The following ACR variants were observed in gnomAD, a reference collection of about 807,000 sequenced individuals.
ACR encodes acrosin light and heavy chain prepropeptide.
ACR carries 17 observed loss-of-function variants against 26.0 expected under a neutral mutation model. That is an observed-to-expected ratio of 0.65 (90% CI 0.45 to 0.98). The LOEUF is 0.98. Among genes scored for constraint, ACR ranks in the 50% least tolerant of loss-of-function variants. ACR has a pLI of 0.00. For synonymous variants in ACR, 199 were observed against 207.7 expected (o/e 0.96, Z 0.36); for missense variants, 435 against 519.3 (o/e 0.84, Z 1.58).
chr22:50,744,989 C>A lies in ACR; in HGVS notation c.1048C>A (p.Pro350Thr). The A allele has an allele frequency of 1.2e-6, 1 of 860,002 alleles. No individual in the cohort carries two copies. Among genetic ancestry groups the A allele is most frequent in the Non-Finnish European group, 1.7e-6 (1 of 588,098 alleles). 53.3% of individuals were successfully genotyped at this position (860,002 alleles called of 1,614,324 possible). ...PAAQPRPPPSPPPPPPPPASP... is the reference protein window; with the variant it reads ...PAAQPRPPPSTPPPPPPPASP... ...AGCCCAGCCCCGACCCCCACCTTCA[C>A]CCCCGCCCCCACCCCCACCTCCAGC... The change falls in exon 5 of 5, where the codon CCC becomes ACC. Residue 350 changes from proline (P) to threonine (T), a missense_variant. Pro to Thr is a conservative substitution (Grantham distance 38, BLOSUM62 -1). Coordinates refer to ENST00000216139, the MANE Select transcript of ACR (RefSeq NM_001097.3).
chr22:50,740,624 T>C (rs1463259795), intron 3 of ACR: 1 of 702,582 alleles, frequency 1.4e-6, no homozygotes, highest in South Asian at 1.5e-5. Context: ...ATTTCAGGCT[T>C]CCTGGAGTGT....
chr22:50,744,345 G>C (rs1385773789), intron 4 of ACR, 139 bp downstream of exon 4: 1 of 720,952 alleles, frequency 1.4e-6, no homozygotes, highest in Non-Finnish European at 2.3e-6. Context: ...CTGCTTCCCC[G>C]GTCCCTTTTC....
Position 50,744,848 on chromosome 22 carries a change from C to G in ACR, c.907C>G (p.Pro303Ala), listed in dbSNP as rs368346881. The change falls in exon 5 of 5, where the codon CCA becomes GCA. Residue 303 changes from proline (P) to alanine (A), a missense_variant. By Grantham distance (27) the Pro-to-Ala change is conservative. Transcript: ENST00000216139. ...GCGTATGATTCAATCGGCCACCCCTCCACCTCCCACCACTCGACCGCCCCC... is the reference window on the plus strand; with the variant it reads ...GCGTATGATTCAATCGGCCACCCCTGCACCTCCCACCACTCGACCGCCCCC... ...ALRMIQSATP[P>A]PPTTRPPPIR... 21 of 1,599,818 alleles carry G rather than the reference C, an allele frequency of 1.3e-5. No homozygotes were observed. Among genetic ancestry groups the G allele is most frequent in the Middle Eastern group, 1.6e-4 (1 of 6,066 alleles).
At chr22:50,740,488 G>T in intron 3 of ACR, 1 of 646,468 alleles carries the variant, frequency 1.5e-6, no homozygotes, top group Non-Finnish European at 2.8e-6. Context: ...ACCATCAGCA[G>T]CCACCTCCGG....
At chr22:50,738,706 G>A (rs182163802) in intron 1 of ACR, among the ~76,000 whole-genome samples, 2 of 148,576 alleles carry the variant, frequency 1.3e-5, no homozygotes, top group East Asian at 2.0e-4. Flanking sequence ...AAGGTACCCC[G>A]AAATACCAAC....
chr22:50,739,606 A>C lies in ACR; in HGVS notation c.282-88A>C. On this transcript the variant is annotated intron_variant, in intron 2 of 4. Transcript: ENST00000216139. This position sits in a 1 kb window ranked among gnomAD's most constrained non-coding sequence, Gnocchi z 5.5. Reference sequence around the variant, plus strand: ...GCTGCAAGACTCCGGGGGCTGGTCCAGACCTTTGCTAGGGGAAGGCCCTGA... The same window carrying C: ...GCTGCAAGACTCCGGGGGCTGGTCCCGACCTTTGCTAGGGGAAGGCCCTGA... The C allele has an allele frequency of 6.4e-7, 1 of 1,553,584 alleles. No individual in the cohort carries two copies. The highest frequency in any genetic ancestry group is 8.7e-7 in the Non-Finnish European group (1 of 1,145,842).
chr22:50,740,483 C>G, intron 3 of ACR: 1 of 642,608 alleles, frequency 1.6e-6, no homozygotes, highest in Non-Finnish European at 2.8e-6. Context: ...TTGTCACCAT[C>G]AGCAGCCACC....
chr22:50,742,400 C>T lies in ACR; in HGVS notation c.566-1661C>T, dbSNP rs539800543. Among the ~76,000 whole-genome samples the T allele has an allele frequency of 8.0e-3, 1,201 of 149,764 alleles. 19 individuals carry two copies. The highest frequency in any genetic ancestry group is 0.029 in the African/African-American group (1,165 of 40,760). ...TCTACTAAAAATACAGAAAATTAGC[C>T]GGGCATGGTGGCGGGCGCCTGTAGT... On this transcript the variant is annotated intron_variant, in intron 3 of 4. Coordinates refer to ENST00000216139, the MANE Select transcript of ACR (RefSeq NM_001097.3).
In ACR at chr22:50,745,101, G is replaced by A. The variant is rs1186757075; in HGVS notation, c.1160G>A (p.Arg387His). Residue 387 changes from arginine (R) to histidine (H), a missense_variant, in exon 5 of 5, where the codon CGC becomes CAC. Transcript: ENST00000216139. ...CCCCAAGGACTTTCTTTTGCCAAGC[G>A]CCTACAGCAGCTCATAGAGGTCTTG... ...KLPQGLSFAK[R>H]LQQLIEVLKG... 9.6e-6 allele frequency: 7 copies of A among 727,968 alleles called. No individual in the cohort carries two copies. Among genetic ancestry groups the A allele is most frequent in the Admixed American group, 3.3e-5 (1 of 30,244 alleles). 45.1% of individuals were successfully genotyped at this position (727,968 alleles called of 1,614,324 possible). A position where few individuals can be genotyped will look rare whatever the true frequency, so the allele number is the denominator to read the frequency against.
rs532493903 is a variant in ACR at position 50,743,099 on chromosome 22, C to G, written c.566-962C>G. Among the ~76,000 whole-genome samples, 569 of 151,198 alleles carry G rather than the reference C, an allele frequency of 3.8e-3. 1 individual carries two copies. The highest frequency in any genetic ancestry group is 0.017 in the South Asian group (83 of 4,798). On this transcript the variant is annotated intron_variant, in intron 3 of 4. Coordinates refer to ENST00000216139, the MANE Select transcript of ACR (RefSeq NM_001097.3). Reference sequence around the variant, plus strand: ...GGCCCGGGCTGGAGTGCAGTGGCGCCATCTCGGCTCACTGCAAGCTCCGCC... The same window carrying G: ...GGCCCGGGCTGGAGTGCAGTGGCGCGATCTCGGCTCACTGCAAGCTCCGCC...
At chr22:50,742,683 G>T (rs2083430391) in intron 3 of ACR, among the ~76,000 whole-genome samples, 1 of 152,120 alleles carries the variant, frequency 6.6e-6, no homozygotes, top group South Asian at 2.1e-4. Flanking sequence ...AAAGGTGGGG[G>T]CTAAGGGGAT....
rs553367757 is a variant in ACR, at chr22:50,744,180, C to G, written c.685C>G (p.Pro229Ala). 30 of 1,613,732 alleles carry G rather than the reference C, an allele frequency of 1.9e-5. No homozygotes were observed. In the South Asian group the frequency reaches 3.0e-4, roughly 16 times the overall value. ...GCCAACCAATGTGTGCGCGGGGTAT[C>G]CTGTAGGCAAGATCGACACCTGCCA... ...VQPTNVCAGY[P>A]VGKIDTCQGD... is the part of the protein sequence containing the mutation. The change falls in exon 4 of 5, where the codon CCT (proline) becomes GCT (alanine). Residue 229 changes from proline to alanine, a missense_variant. By Grantham distance (27) the Pro-to-Ala change is conservative (BLOSUM62 -1). Coordinates refer to ENST00000216139, the MANE Select transcript of ACR (RefSeq NM_001097.3).
rs2083439190 is a variant in ACR at position 50,744,188 on chromosome 22, C to G, written c.693C>G (p.Gly231=). 4 of 1,613,596 alleles carry G rather than the reference C, an allele frequency of 2.5e-6. No individual in the cohort carries two copies. The highest frequency in any genetic ancestry group is 1.3e-5 in the African/African-American group (1 of 74,824). The change falls in exon 4 of 5, where the codon GGC becomes GGG. Residue 231 remains glycine (G), a synonymous_variant. Transcript: ENST00000216139. The stretch of plus-strand genomic sequence containing the variant: ...ATGTGTGCGCGGGGTATCCTGTAGG[C>G]AAGATCGACACCTGCCAGGTAACCT... ...PTNVCAGYPV[G]KIDTCQGDSG...
chr22:50,742,712 C>G (rs563164882), intron 3 of ACR, among the ~76,000 whole-genome samples: 1 of 152,160 alleles, frequency 6.6e-6, no homozygotes, highest in Admixed American at 6.5e-5. Flanking sequence ...GGAAAGCCAG[C>G]GAGCACTCGT....
Position 50,739,687 on chromosome 22 carries a change from C to A in ACR, c.282-7C>A. The stretch of plus-strand genomic sequence containing the variant: ...GGTTGTGACCTGGCTTACCTTTGTG[C>A]CCACAGTAATGTGCATGACTGGAGA... On this transcript the variant is annotated splice_region_variant and splice_polypyrimidine_tract_variant and intron_variant, in intron 2 of 4. Coordinates refer to ENST00000216139, the MANE Select transcript of ACR (RefSeq NM_001097.3). This position sits in a 1 kb window ranked among gnomAD's most constrained non-coding sequence, Gnocchi z 5.5. 6.5e-7 allele frequency: 1 copy of A among 1,536,364 alleles called. No homozygotes were observed. Among genetic ancestry groups the A allele is most frequent in the South Asian group, 1.3e-5 (1 of 77,522 alleles).
At chr22:50,743,904 C>G (rs1603447673) in intron 3 of ACR, among the ~76,000 whole-genome samples, 157 bp from the exon 4 acceptor site, 1 of 152,220 alleles carries the variant, frequency 6.6e-6, no homozygotes, top group East Asian at 1.9e-4. Flanking sequence ...CACCTCTAGT[C>G]TGCTCTTTCT....
rs771782584 is a variant in ACR, at chr22:50,739,535, C to T, written c.281+61C>T. The stretch of plus-strand genomic sequence containing the variant: ...ACGGCTCTTCTCAGAGAGGGGCGTT[C>T]CCCGGGGATGCTGTGCAGCGTCTCC... On this transcript the variant is annotated intron_variant, in intron 2 of 4. Coordinates refer to ENST00000216139, the MANE Select transcript of ACR (RefSeq NM_001097.3). The surrounding 1 kb of genome is among the most constrained non-coding windows in gnomAD (Gnocchi z 5.5). 2.1e-4 allele frequency: 334 copies of T among 1,600,956 alleles called. No individual in the cohort carries two copies. Among genetic ancestry groups the T allele is most frequent in the Non-Finnish European group, 2.3e-4 (272 of 1,170,120 alleles).
intron 3 of ACR, chr22:50,740,523 C>G: frequency 1.4e-6 from 1 of 694,158 alleles, no homozygotes; most frequent in Non-Finnish European, 2.6e-6. Flanking sequence ...CAAATCTACC[C>G]TCTCCATCTG....
Position 50,739,410 on chromosome 22 carries a change from T to C in ACR, c.217T>C (p.Cys73Arg). Residue 73 changes from cysteine (C) to arginine (R), a missense_variant, in exon 2 of 5, where the codon TGT (cysteine) becomes CGT (arginine). Around this residue, in one of 3 missense-constraint regions of ACR, gnomAD observed 314 missense variants for 372.0 expected, o/e 0.84. Coordinates refer to ENST00000216139, the MANE Select transcript of ACR (RefSeq NM_001097.3). This position sits in a 1 kb window ranked among gnomAD's most constrained non-coding sequence, Gnocchi z 5.5. Reference protein sequence around the residue: ...FTYNSHRYHTCGGSLLNSRWV... With the variant: ...FTYNSHRYHTRGGSLLNSRWV... ...GTACAACAGCCACAGGTACCACACA[T>C]GTGGAGGCAGCTTGCTGAATTCACG... 2 of 1,614,216 alleles carry C rather than the reference T, an allele frequency of 1.2e-6. No individual in the cohort carries two copies. Among genetic ancestry groups the C allele is most frequent in the Non-Finnish European group, 1.7e-6 (2 of 1,180,044 alleles).
Sources: allele counts gnomAD v4.1 joint callset (sites outside exome capture counted in the v4.1 genomes callset), GRCh38; gene constraint gnomAD v4.1.1; regional missense constraint gnomAD v4.1.1; non-coding constraint Gnocchi (gnomAD v3.1); transcripts MANE v1.5; gene names NCBI Gene and HGNC (gene_info 2026-07-23, HGNC 2026-07-21).